The following ZZZ3 variants were observed in gnomAD, a reference collection of about 807,000 sequenced individuals.
ZZZ3 encodes the protein ZZ-type zinc finger-containing protein 3.
ZZZ3 carries 22 observed loss-of-function variants against 95.2 expected under a neutral mutation model. The observed-to-expected ratio is 0.23, with a 90% CI of 0.17 to 0.33. The LOEUF is 0.33. ZZZ3 is among the 10% of genes least tolerant of loss of function. The probability of loss-of-function intolerance (pLI) is 1.00; values close to 1 mark genes in which losing one functional copy is unlikely to be tolerated. For synonymous variants in ZZZ3, 335 were observed against 358.9 expected, an observed-to-expected ratio of 0.93 and a Z score of 0.75; for missense variants, 885 against 1,066.5, an observed-to-expected ratio of 0.83 and a Z score of 2.37.
At chr1:77,573,186 C>A (rs1661581851) in intron 12 of ZZZ3, among the ~76,000 whole-genome samples, 1 of 152,160 alleles carries the variant, frequency 6.6e-6, no homozygotes, top group Admixed American at 6.5e-5. Context: ...GTGGTGCAAT[C>A]CCAGCTCCTG....
chr1:77,599,336 T>G (rs922248570), intron 5 of ZZZ3, among the ~76,000 whole-genome samples: 1 of 151,984 alleles, frequency 6.6e-6, no homozygotes, highest in Admixed American at 6.6e-5. Flanking sequence ...TATACACTCA[T>G]TCCACAAATA....
chr1:77,577,258 A>T (rs1165798703), intron 11 of ZZZ3, among the ~76,000 whole-genome samples: 1 of 152,220 alleles, frequency 6.6e-6, no homozygotes, highest in Non-Finnish European at 1.5e-5. Context: ...GGAAAAAAAC[A>T]CATGTACGTT....
intron 12 of ZZZ3, among the ~76,000 whole-genome samples, chr1:77,569,794 T>A (rs1330222331): frequency 6.6e-6 from 1 of 152,214 alleles, no homozygotes; most frequent in Non-Finnish European, 1.5e-5. Flanking sequence ...GCTTATTTTT[T>A]TAACCTCATT....
At chr1:77,569,834 T>C (rs1368537272) in intron 12 of ZZZ3, among the ~76,000 whole-genome samples, 1 of 152,174 alleles carries the variant, frequency 6.6e-6, no homozygotes, top group African/African-American at 2.4e-5. Flanking sequence ...CTGCTTCCTA[T>C]TCTCCCAATT....
chr1:77,602,838 T>A (rs552699750), intron 5 of ZZZ3, among the ~76,000 whole-genome samples: 3 of 152,102 alleles, frequency 2.0e-5, no homozygotes, highest in African/African-American at 7.2e-5. Context: ...ACTCCTGACC[T>A]CGTGATCTGC....
intron 1 of ZZZ3, among the ~76,000 whole-genome samples, chr1:77,666,020 G>C (rs1395657117): frequency 6.6e-6 from 1 of 152,250 alleles, no homozygotes; most frequent in African/African-American, 2.4e-5. Flanking sequence ...CAGCCTGGGA[G>C]AGACAGCGAG....
At chr1:77,614,080 T>C (rs919355222) in intron 5 of ZZZ3, among the ~76,000 whole-genome samples, 3 of 152,198 alleles carry the variant, frequency 2.0e-5, no homozygotes, top group Non-Finnish European at 4.4e-5. Flanking sequence ...CAGTAATACA[T>C]ACAGATTAAT....
In ZZZ3 at chr1:77,580,967, T is replaced by G. The variant is rs780333041; in HGVS notation, c.1980+31A>C. ...GATGTTAACTGTTTACTTGTTTTTT[T>G]AAGCCTACACGATTTTGAAATATTT... On this transcript the variant is annotated intron_variant, in intron 9 of 14. Coordinates refer to ENST00000370801, the MANE Select transcript of ZZZ3 (RefSeq NM_015534.6). 30 of 1,587,144 alleles carry G rather than the reference T, an allele frequency of 1.9e-5. No individual in the cohort carries two copies. In the South Asian group the frequency reaches 3.2e-4, roughly 17 times the overall value.
intron 1 of ZZZ3, among the ~76,000 whole-genome samples, chr1:77,680,642 G>A (rs1245938470): frequency 6.6e-6 from 1 of 152,120 alleles, no homozygotes; most frequent in Non-Finnish European, 1.5e-5. Context: ...GCAACTTCAA[G>A]TATATATACC....
rs940066413 is a variant in ZZZ3 at position 77,564,740 on chromosome 1, G to A, written c.*900C>T. On this transcript the variant is annotated 3_prime_UTR_variant, in exon 15 of 15. Transcript: ENST00000370801. ...AAATACAATCTTTTATGGATCTTGT[G>A]CAGACTACAAAAGAGGGAAATTATT... 2.0e-5 allele frequency: 3 copies of A among 152,506 alleles called. No individual in the cohort carries two copies. The allele number at this position is 152,506 out of a possible 1,614,324, so 9.4% of individuals were successfully genotyped here.
intron 1 of ZZZ3, among the ~76,000 whole-genome samples, chr1:77,652,032 A>G (rs960314836): frequency 1.3e-5 from 2 of 151,946 alleles, no homozygotes; most frequent in South Asian, 2.1e-4. Flanking sequence ...AAAAAAAAAA[A>G]AGGTTAAAAT....
intron 5 of ZZZ3, among the ~76,000 whole-genome samples, chr1:77,623,917 AAAGT>A (rs61451870): frequency 6.9e-4 from 105 of 152,326 alleles, no homozygotes; most frequent in African/African-American, 2.2e-3. Context: ...ATTCCACTGA[AAAGT>A]AAGACCAAAA....
intron 8 of ZZZ3, among the ~76,000 whole-genome samples, chr1:77,581,526 A>C (rs1662525503): frequency 6.6e-6 from 1 of 152,186 alleles, no homozygotes; most frequent in Non-Finnish European, 1.5e-5. Context: ...CAACCCTACA[A>C]GATAGGTAAT....
intron 5 of ZZZ3, among the ~76,000 whole-genome samples, chr1:77,590,789 C>T (rs1321211422): frequency 6.6e-6 from 1 of 152,056 alleles, no homozygotes; most frequent in Non-Finnish European, 1.5e-5. Context: ...AGGGAAATGC[C>T]CTTCTTTTTA....
chr1:77,654,944 G>A (rs572893945), intron 1 of ZZZ3, among the ~76,000 whole-genome samples: 178 of 152,070 alleles, frequency 1.2e-3, no homozygotes, highest in African/African-American at 4.0e-3. Flanking sequence ...CCACCACACC[G>A]AGCCAAGAAA....
chr1:77,619,504 C>T (rs911199116), intron 5 of ZZZ3, among the ~76,000 whole-genome samples: 1 of 152,136 alleles, frequency 6.6e-6, no homozygotes, highest in Non-Finnish European at 1.5e-5. Flanking sequence ...CAACCACAAT[C>T]AAATTCTTAA....
intron 5 of ZZZ3, among the ~76,000 whole-genome samples, chr1:77,587,106 G>A (rs1443046609): frequency 6.6e-6 from 1 of 152,126 alleles, no homozygotes. Context: ...TTATACCACG[G>A]AGGAACTAGA....
chr1:77,639,381 T>TA, intron 4 of ZZZ3, 68 bp downstream of exon 4: 2 of 1,228,678 alleles, frequency 1.6e-6, no homozygotes, highest in Non-Finnish European at 2.2e-6. Context: ...TCTCCCCATC[T>TA]CAAAAAAAAA....
intron 9 of ZZZ3, 31 bp downstream of exon 9, chr1:77,580,967 T>A: frequency 6.3e-7 from 1 of 1,587,262 alleles, no homozygotes; most frequent in Non-Finnish European, 8.7e-7. Context: ...CTTGTTTTTT[T>A]AAGCCTACAC....
Sources: allele counts gnomAD v4.1 joint callset (sites outside exome capture counted in the v4.1 genomes callset), GRCh38; gene constraint gnomAD v4.1.1; transcripts MANE v1.5; gene names NCBI Gene and HGNC (gene_info 2026-07-23, HGNC 2026-07-21).